Variants in MYH13 observed in about 807,000 individuals in gnomAD.
The protein encoded by MYH13 is myosin heavy chain 13.
Under a neutral mutation model 232.1 loss-of-function variants are expected in MYH13, and 177 were observed. The ratio of observed to expected loss-of-function variants is 0.76; its 90% CI spans 0.67 to 0.86. The LOEUF (loss-of-function observed/expected upper bound fraction) is 0.86. Among genes scored for constraint, MYH13 ranks in the 40% least tolerant of loss-of-function variants. MYH13 has a pLI of 0.00. For synonymous variants in MYH13, 884 were observed against 923.5 expected, an observed-to-expected ratio of 0.96 and a Z score of 0.78; for missense variants, 2,246 against 2,405.9, an observed-to-expected ratio of 0.93 and a Z score of 1.39.
chr17:10,335,612 G>A (rs1047720190), intron 18 of MYH13, among the ~76,000 whole-genome samples: 1 of 152,058 alleles, frequency 6.6e-6, no homozygotes, highest in Admixed American at 6.6e-5. Context: ...AACGTAGCTG[G>A]GTGTGGTGGT....
rs1351660631 is a variant in MYH13, at chr17:10,340,267, A to G, written c.1969-30T>C. 4 of 1,613,640 alleles carry G rather than the reference A, an allele frequency of 2.5e-6. No homozygotes were observed. The South Asian group carries it at 4.4e-5, about 18-fold the overall frequency. On this transcript the variant is annotated intron_variant, in intron 17 of 40. Transcript: ENST00000252172. ...GACATAAACCAAAACAAGCACATTT[A>G]GCAACTGCCATTTCACTGGGGAGAA...
intron 39 of MYH13, among the ~76,000 whole-genome samples, chr17:10,302,168 G>A (rs547595478): frequency 6.6e-6 from 1 of 152,238 alleles, no homozygotes; most frequent in South Asian, 2.1e-4. Context: ...CCTCTAGCCT[G>A]CCGATCCTGC....
intron 12 of MYH13, among the ~76,000 whole-genome samples, chr17:10,348,264 C>T (rs2071683177): frequency 1.3e-5 from 2 of 152,328 alleles, no homozygotes; most frequent in Non-Finnish European, 2.9e-5. Flanking sequence ...TTTGTTCAGA[C>T]AGGCACCAAG....
In MYH13 at chr17:10,315,773, T is replaced by C. The variant is rs1906682898; in HGVS notation, c.3904A>G (p.Ile1302Val). 6.2e-7 allele frequency: 1 copy of C among 1,613,860 alleles called. No individual in the cohort carries two copies. Among genetic ancestry groups the C allele is most frequent in the Non-Finnish European group, 8.5e-7 (1 of 1,179,894 alleles). ...SHRVEEKESL[I>V]SQLTKSKQAL... ...TGCTTGCTTTTGGTCAGCTGTGAAA[T>C]CAGAGACTCCTTCTCTTCCACTCGG... The change falls in exon 29 of 41, where the codon ATT (isoleucine) becomes GTT (valine). Residue 1302 changes from isoleucine to valine, a missense_variant. Coordinates refer to ENST00000252172, the MANE Select transcript of MYH13 (RefSeq NM_003802.3).
intron 11 of MYH13, among the ~76,000 whole-genome samples, chr17:10,352,407 T>C (rs1433719337): frequency 2.0e-5 from 3 of 152,046 alleles, no homozygotes; most frequent in African/African-American, 7.2e-5. Flanking sequence ...CTGGCCAACA[T>C]GGGGAAACCC....
intron 29 of MYH13, among the ~76,000 whole-genome samples, 156 bp from the exon 30 acceptor site, chr17:10,313,510 T>G (rs1193362182): frequency 6.6e-6 from 1 of 152,262 alleles, no homozygotes; most frequent in African/African-American, 2.4e-5. Flanking sequence ...TTTAATTTTT[T>G]TTCAAGTGGA....
Position 10,309,754 on chromosome 17 carries a change from C to T in MYH13, c.4733G>A (p.Arg1578His), listed in dbSNP as rs1459086593. ...TTCTTCATCCTTCTCAATGACCTTG[C>T]GGTCTAGCTCGGATTTCACCTGGCT... Reference protein sequence around the residue: ...ELSQVKSELDRKVIEKDEEIE... With the variant: ...ELSQVKSELDHKVIEKDEEIE... Residue 1578 changes from arginine to histidine, a missense_variant, in exon 34 of 41, where the codon CGC becomes CAC. Physicochemically the swap from Arg to His is conservative, Grantham distance 29. Coordinates refer to ENST00000252172, the MANE Select transcript of MYH13 (RefSeq NM_003802.3). 6.2e-7 allele frequency: 1 copy of T among 1,600,222 alleles called. No homozygotes were observed. The highest frequency in any genetic ancestry group is 8.5e-7 in the Non-Finnish European group (1 of 1,173,164).
chr17:10,371,624 G>T (rs2071878383), intron 1 of MYH13, among the ~76,000 whole-genome samples: 1 of 152,266 alleles, frequency 6.6e-6, no homozygotes, highest in Admixed American at 6.5e-5. Flanking sequence ...ACAGGATTAA[G>T]ACAAATTTTT....
At chr17:10,303,930 A>G (rs937138532) in intron 37 of MYH13, among the ~76,000 whole-genome samples, 3 of 152,250 alleles carry the variant, frequency 2.0e-5, no homozygotes, top group African/African-American at 7.2e-5. Flanking sequence ...ATCATGGAAT[A>G]CTATGCAGCC....
chr17:10,357,461 A>G (rs1351065349), intron 8 of MYH13, among the ~76,000 whole-genome samples: 2 of 152,156 alleles, frequency 1.3e-5, no homozygotes, highest in Non-Finnish European at 2.9e-5. Context: ...GTTGATCTCT[A>G]ATTGTGGGAT....
Position 10,304,459 on chromosome 17 carries a change from G to A in MYH13, c.5467-961C>T, listed in dbSNP as rs373270106. On this transcript the variant is annotated intron_variant, in intron 37 of 40. Transcript: ENST00000252172. The surrounding 1 kb of genome is among the most constrained non-coding windows in gnomAD (Gnocchi z 5.3). ...TAGATGCTCCCTTTTGTGGAGCCAG[G>A]TCGTTTGGCAAGGGCAGCAAAAGCT... is the stretch of plus-strand genomic sequence containing the variant. 4.6e-5 allele frequency among the ~76,000 whole-genome samples: 7 copies of A among 152,340 alleles called. No individual in the cohort carries two copies. Among genetic ancestry groups the A allele is most frequent in the South Asian group, 2.1e-4 (1 of 4,822 alleles).
chr17:10,321,506 A>G, intron 24 of MYH13, 26 bp downstream of exon 24: 2 of 1,600,510 alleles, frequency 1.2e-6, no homozygotes, highest in Non-Finnish European at 1.7e-6. Context: ...GATAAATGCT[A>G]AAGCATAGTA....
In MYH13 at chr17:10,324,003, G is replaced by A. The variant is rs370502891; in HGVS notation, c.2934+19C>T. The A allele has an allele frequency of 1.2e-4, 201 of 1,612,994 alleles. 1 individual carries two copies. In the Admixed American group the frequency reaches 1.9e-3, roughly 15 times the overall value. On this transcript the variant is annotated intron_variant, in intron 23 of 40. Coordinates refer to ENST00000252172, the MANE Select transcript of MYH13 (RefSeq NM_003802.3). The stretch of plus-strand genomic sequence containing the variant: ...TGAAGCCTGTTAAGACACTGTGGGA[G>A]TCCCTTGGGTTTGCTCACCTTGTTC...
In MYH13 at chr17:10,327,980, G is replaced by A. The variant is rs770506320; in HGVS notation, c.2577C>T (p.Asp859=). 8.7e-6 allele frequency: 14 copies of A among 1,614,070 alleles called. No individual in the cohort carries two copies. In the East Asian group the frequency reaches 2.7e-4, roughly 31 times the overall value. ...AEKEMATMKE[D]FERTKEELAR... is the part of the protein sequence containing the mutation. ...CCAGTTCTTCCTTGGTCCTCTCAAA[G>A]TCTTCCTTCATGGTGGCCATCTCCT... is the stretch of plus-strand genomic sequence containing the variant. Residue 859 remains aspartate, a synonymous_variant, in exon 22 of 41, where the codon GAC becomes GAT. Coordinates refer to ENST00000252172, the MANE Select transcript of MYH13 (RefSeq NM_003802.3).
Position 10,301,682 on chromosome 17 carries a change from G to C in MYH13, c.5689C>G (p.Leu1897Val). 2 of 1,613,772 alleles carry C rather than the reference G, an allele frequency of 1.2e-6. No homozygotes were observed. Among genetic ancestry groups the C allele is most frequent in the Non-Finnish European group, 1.7e-6 (2 of 1,179,988 alleles). ...EEAEEQANTQ[L>V]SRCRRVQHEL... ...TGCTGGACTCTCCGGCATCTGGACA[G>C]CTGCGTGTTGGCCTGCTCCTCCTGC... Residue 1897 changes from leucine to valine, a missense_variant, in exon 40 of 41, where the codon CTG becomes GTG. Coordinates refer to ENST00000252172, the MANE Select transcript of MYH13 (RefSeq NM_003802.3).
chr17:10,313,024 T>TG, intron 30 of MYH13, 134 bp downstream of exon 30: 1 of 1,386,790 alleles, frequency 7.2e-7, no homozygotes, highest in Non-Finnish European at 9.9e-7. Flanking sequence ...CCCCAGAGGG[T>TG]GGGGGGTACA....
chr17:10,301,638 C>T lies in MYH13; in HGVS notation c.5733G>A (p.Ala1911=), dbSNP rs777158266. 3.2e-5 allele frequency: 51 copies of T among 1,614,212 alleles called. No homozygotes were observed. Among genetic ancestry groups the T allele is most frequent in the Admixed American group, 1.2e-4 (7 of 60,026 alleles). ...RRVQHELEEA[A]ERADIAESQV... is the part of the protein sequence containing the mutation. ...GGGACTCAGCGATGTCCGCCCTCTC[C>T]GCGGCCTCCTCTAGCTCATGCTGGA... Residue 1911 remains alanine (A), a synonymous_variant, in exon 40 of 41, where the codon GCG becomes GCA. Transcript: ENST00000252172.
intron 29 of MYH13, among the ~76,000 whole-genome samples, chr17:10,314,021 A>G (rs1279323613): frequency 6.6e-6 from 1 of 152,210 alleles, no homozygotes; most frequent in East Asian, 1.9e-4. Flanking sequence ...TGTAAGGGCA[A>G]CAGTTTAGCT....
At chr17:10,356,517 C>G (rs922256371) in intron 8 of MYH13, among the ~76,000 whole-genome samples, 1 of 152,174 alleles carries the variant, frequency 6.6e-6, no homozygotes, top group African/African-American at 2.4e-5. Context: ...GGTAACATAC[C>G]TCTGCCATGT....
Sources: allele counts gnomAD v4.1 joint callset (sites outside exome capture counted in the v4.1 genomes callset), GRCh38; gene constraint gnomAD v4.1.1; non-coding constraint Gnocchi (gnomAD v3.1); transcripts MANE v1.5; gene names NCBI Gene and HGNC (gene_info 2026-07-23, HGNC 2026-07-21).